The following JAML variants were observed in gnomAD, a reference collection of about 807,000 sequenced individuals.
JAML encodes junction adhesion molecule like.
In JAML, 25 loss-of-function variants were observed where a neutral mutation model predicts 39.3. That is an observed-to-expected ratio of 0.64 (90% CI 0.46 to 0.89). The LOEUF (loss-of-function observed/expected upper bound fraction) is 0.89, where lower values mean the gene tolerates loss of function less well. JAML is among the 40% of genes least tolerant of loss of function. The probability of loss-of-function intolerance (pLI) is 0.00; values close to 1 mark genes in which losing one functional copy is unlikely to be tolerated. For synonymous variants in JAML, 162 were observed against 179.2 expected, an observed-to-expected ratio of 0.90 and a Z score of 0.77; for missense variants, 440 against 486.9, an observed-to-expected ratio of 0.90 and a Z score of 0.91.
At chr11:118,211,066 G>A (rs1474042005) in intron 3 of JAML, among the ~76,000 whole-genome samples, 4 of 152,166 alleles carry the variant, frequency 2.6e-5, no homozygotes, top group Non-Finnish European at 1.5e-5. Flanking sequence ...GGATTAGATG[G>A]CATTCAAATG....
intron 3 of JAML, among the ~76,000 whole-genome samples, chr11:118,211,410 T>C (rs1026318537): frequency 1.3e-5 from 2 of 152,138 alleles, no homozygotes; most frequent in African/African-American, 4.8e-5. Flanking sequence ...AGCCAGCTAA[T>C]TTTTGTGTTT....
chr11:118,198,719 CAT>C (rs1948714771), intron 7 of JAML, among the ~76,000 whole-genome samples: 1 of 149,600 alleles, frequency 6.7e-6, no homozygotes, highest in African/African-American at 2.5e-5. Flanking sequence ...GAAAAGAAAC[CAT>C]ATGTTTTGGT....
chr11:118,203,598 T>C lies in JAML; in HGVS notation c.602A>G (p.His201Arg). 1 of 1,614,178 alleles carries C rather than the reference T, an allele frequency of 6.2e-7. No homozygotes were observed. The highest frequency in any genetic ancestry group is 8.5e-7 in the Non-Finnish European group (1 of 1,180,042). The change falls in exon 6 of 10, where the codon CAC becomes CGC. Residue 201 changes from histidine to arginine, a missense_variant. By Grantham distance (29) the His-to-Arg change is conservative. Coordinates refer to ENST00000356289, the MANE Select transcript of JAML (RefSeq NM_001098526.2). The part of the protein sequence containing the change: ...MSVEYSQSWG[H>R]FQNRVNLVGD... ...CACCAGGTTCACACGATTCTGGAAG[T>C]GGCCCCAGCTCTGGGAGTACTCCAC...
At chr11:118,213,188 C>T in intron 2 of JAML, 1 of 1,372,562 alleles carries the variant, frequency 7.3e-7, no homozygotes, top group Non-Finnish European at 9.4e-7. Context: ...ACACAGGGAC[C>T]CCTGCCCATT....
At chr11:118,224,588 A>C (rs1001232506) in intron 1 of JAML, among the ~76,000 whole-genome samples, 1 of 152,254 alleles carries the variant, frequency 6.6e-6, no homozygotes, top group African/African-American at 2.4e-5. Flanking sequence ...AAAGAAAAAC[A>C]GTGAAGAAAG....
rs570623051 is a variant in JAML, at chr11:118,214,947, A to C, written c.-20-61T>G. 4 of 1,488,588 alleles carry C rather than the reference A, an allele frequency of 2.7e-6. No homozygotes were observed. In the African/African-American group the frequency reaches 5.5e-5, roughly 21 times the overall value. The allele number at this position is 1,488,588 out of a possible 1,614,324, so 92.2% of individuals were successfully genotyped here. On this transcript the variant is annotated intron_variant, in intron 1 of 9. Transcript: ENST00000356289. Reference sequence around the variant, plus strand: ...CAAGAGAAGCTCATTAATTTAAAAAACCAATAGTGAAGGACTATACGGAGC... The same window carrying C: ...CAAGAGAAGCTCATTAATTTAAAAACCCAATAGTGAAGGACTATACGGAGC...
In JAML at chr11:118,193,944, A is replaced by G. The variant is rs1192677495; in HGVS notation, c.*381T>C. On this transcript the variant is annotated 3_prime_UTR_variant, in exon 10 of 10. Coordinates refer to ENST00000356289, the MANE Select transcript of JAML (RefSeq NM_001098526.2). Reference sequence around the variant, plus strand: ...CGATTTCCACAAACAACACTTATTTAGAAATAATGTGCCAGAGGAATGATT... The same window carrying G: ...CGATTTCCACAAACAACACTTATTTGGAAATAATGTGCCAGAGGAATGATT... The G allele has an allele frequency of 5.1e-6, 1 of 195,354 alleles. No homozygotes were observed. Among genetic ancestry groups the G allele is most frequent in the East Asian group, 1.2e-4 (1 of 8,638 alleles). 12.1% of individuals were successfully genotyped at this position (195,354 alleles called of 1,614,324 possible).
intron 7 of JAML, among the ~76,000 whole-genome samples, chr11:118,199,549 G>A (rs1793169): frequency 0.53 from 79,977 of 151,846 alleles, 21,411 homozygotes; most frequent in South Asian, 0.73. Flanking sequence ...ATACTCCATC[G>A]ATAGTTGGAT....
chr11:118,208,626 G>T (rs1409502742), intron 4 of JAML, among the ~76,000 whole-genome samples: 4 of 152,224 alleles, frequency 2.6e-5, no homozygotes, highest in African/African-American at 9.6e-5. Flanking sequence ...AATGGCCCCA[G>T]ATTCTAGTTC....
chr11:118,212,221 C>T (rs1047699861), intron 3 of JAML, among the ~76,000 whole-genome samples, 186 bp downstream of exon 3: 2 of 152,182 alleles, frequency 1.3e-5, no homozygotes, highest in Non-Finnish European at 2.9e-5. Flanking sequence ...GGTTGAGTAA[C>T]TTACTTACCC....
intron 9 of JAML, 43 bp downstream of exon 9, chr11:118,196,692 A>C (rs1948663847): frequency 5.2e-6 from 8 of 1,543,436 alleles, no homozygotes; most frequent in Admixed American, 1.7e-5. Context: ...CCACCACCTG[A>C]GCCTCTGACA....
intron 9 of JAML, among the ~76,000 whole-genome samples, chr11:118,195,102 C>T (rs372109749): frequency 2.0e-5 from 3 of 152,308 alleles, no homozygotes; most frequent in African/African-American, 4.8e-5. Flanking sequence ...ACCTCGGAGA[C>T]GTTCTGCAAA....
At chr11:118,215,879 G>A (rs1949133752) in intron 1 of JAML, among the ~76,000 whole-genome samples, 1 of 152,130 alleles carries the variant, frequency 6.6e-6, no homozygotes, top group South Asian at 2.1e-4. Context: ...AGGAGTTACA[G>A]TGCAACCAGT....
Position 118,214,897 on chromosome 11 carries a change from A to C in JAML, c.-20-11T>G, listed in dbSNP as rs1317880644. ...TCTCAACTTTCAAATCTTAAGATAA[A>C]AGAACAAAAATCACAAAATCATGTC... On this transcript the variant is annotated splice_polypyrimidine_tract_variant and intron_variant, in intron 1 of 9. Transcript: ENST00000356289. 1 of 1,611,784 alleles carries C rather than the reference A, an allele frequency of 6.2e-7. No individual in the cohort carries two copies. Among genetic ancestry groups the C allele is most frequent in the African/African-American group, 1.3e-5 (1 of 74,848 alleles).
Position 118,205,925 on chromosome 11 carries a change from T to C in JAML, c.491A>G (p.His164Arg). 1 of 1,614,166 alleles carries C rather than the reference T, an allele frequency of 6.2e-7. No individual in the cohort carries two copies. The highest frequency in any genetic ancestry group is 8.5e-7 in the Non-Finnish European group (1 of 1,179,998). The change falls in exon 5 of 10, where the codon CAC (histidine) becomes CGC (arginine). Residue 164 changes from histidine (H) to arginine (R), a missense_variant. His to Arg is a conservative substitution (Grantham distance 29). Transcript: ENST00000356289. ...AAATATCCATTCTACCTTGGTCACG[T>C]GTTTCACTTCTGTGCTCTGGAAAAC... ...GCVFQSTEVKHVTKVEWIFSG... is the reference protein window; with the variant it reads ...GCVFQSTEVKRVTKVEWIFSG...
intron 1 of JAML, among the ~76,000 whole-genome samples, chr11:118,224,433 T>G (rs57495164): frequency 6.6e-6 from 1 of 152,026 alleles, no homozygotes; most frequent in African/African-American, 2.4e-5. Context: ...AACAGTGGTA[T>G]AACTATGTAA....
chr11:118,207,994 G>T (rs1309948330), intron 4 of JAML, among the ~76,000 whole-genome samples: 1 of 152,176 alleles, frequency 6.6e-6, no homozygotes, highest in Non-Finnish European at 1.5e-5. Context: ...ATTTGGAGAG[G>T]CTGAGACAGG....
chr11:118,204,057 G>T, intron 5 of JAML: 1 of 213,920 alleles, frequency 4.7e-6, no homozygotes, highest in African/African-American at 2.3e-5. Context: ...GTTCTTTCCA[G>T]TCCATCCCAT....
intron 5 of JAML, 89 bp from the exon 6 acceptor site, chr11:118,203,754 C>T: frequency 9.2e-7 from 1 of 1,081,304 alleles, no homozygotes; most frequent in South Asian, 1.3e-5. Flanking sequence ...TCTCAGGACT[C>T]CAAGGCCCTG....
Sources: allele counts gnomAD v4.1 joint callset (sites outside exome capture counted in the v4.1 genomes callset), GRCh38; gene constraint gnomAD v4.1.1; transcripts MANE v1.5; gene names NCBI Gene and HGNC (gene_info 2026-07-23, HGNC 2026-07-21).